Variants in SGCG observed in about 807,000 individuals in gnomAD.
SGCG encodes the protein sarcoglycan gamma, also known as gamma-sarcoglycan.
In SGCG, 26 loss-of-function variants were observed where a neutral mutation model predicts 29.3. The ratio of observed to expected loss-of-function variants is 0.89; its 90% confidence interval spans 0.65 to 1.23. The LOEUF is 1.23. Ranked by LOEUF, SGCG falls within the 50% of genes most tolerant of loss-of-function variation. The pLI, the probability that SGCG is intolerant of heterozygous loss-of-function variation, is 0.00. For synonymous variants in SGCG, 145 were observed against 129.7 expected (o/e 1.12, Z -0.80); for missense variants, 353 against 356.0 (o/e 0.99, Z 0.07).
chr13:23,323,257 G>GTT (rs1883115137), intron 7 of SGCG, among the ~76,000 whole-genome samples: 1 of 152,188 alleles, frequency 6.6e-6, no homozygotes, highest in East Asian at 1.9e-4. Context: ...ATAACCTAAA[G>GTT]ATTCTACTTG....
At chr13:23,179,438 A>G (rs1876660151), upstream of SGCG, among the ~76,000 whole-genome samples, 1 of 152,222 alleles carries the variant, frequency 6.6e-6, no homozygotes, top group Non-Finnish European at 1.5e-5. Context: ...CCAATTTACG[A>G]TTGATGAAGA....
intron 4 of SGCG, among the ~76,000 whole-genome samples, chr13:23,259,490 AC>A (rs1484862149): frequency 5.9e-5 from 9 of 152,044 alleles, no homozygotes; most frequent in African/African-American, 2.2e-4. Context: ...TTTCAAAAAA[AC>A]CAGCTCCTAG....
At chr13:23,304,485 C>G (rs966673804) in intron 6 of SGCG, among the ~76,000 whole-genome samples, 2 of 152,020 alleles carry the variant, frequency 1.3e-5, no homozygotes, top group East Asian at 1.9e-4. Flanking sequence ...GAAATACAAC[C>G]TTTACCACCA....
At chr13:23,228,013 G>T (rs1013248091) in intron 2 of SGCG, among the ~76,000 whole-genome samples, 6 of 151,966 alleles carry the variant, frequency 3.9e-5, no homozygotes, top group African/African-American at 1.2e-4. Context: ...ATTTTGCCAT[G>T]TTGCCCAGGC....
intron 3 of SGCG, chr13:23,246,719 G>T: frequency 9.2e-6 from 2 of 218,308 alleles, no homozygotes; most frequent in South Asian, 1.6e-4. Context: ...ACATGTCCCA[G>T]AGCAGCAGAA....
rs201480793 is a variant in SGCG at position 23,314,382 on chromosome 13, TTATATATATATA to T, written c.579-6240_579-6229del. Among the ~76,000 whole-genome samples the T allele has an allele frequency of 6.3e-3, 495 of 78,596 alleles. 13 individuals are homozygous for T. The highest frequency in any genetic ancestry group is 8.7e-3 in the Non-Finnish European group (374 of 43,220). 51.6% of individuals were successfully genotyped at this position (78,596 alleles called of 152,430 possible). A position where few individuals can be genotyped will look rare whatever the true frequency, so the allele number is the denominator to read the frequency against. ...TAAATGAAATGATGTCTGCTATAGG[TTATATATATATA>T]TATATATATATATAATCTTATTCTG... On this transcript the variant is annotated intron_variant, in intron 6 of 7. Coordinates refer to ENST00000218867, the MANE Select transcript of SGCG (RefSeq NM_000231.3).
intron 1 of SGCG, among the ~76,000 whole-genome samples, chr13:23,201,376 A>AGGC (rs386378463): frequency 2.7e-5 from 4 of 149,768 alleles, no homozygotes; most frequent in African/African-American, 9.9e-5. Flanking sequence ...GTGGAAGAGG[A>AGGC]GGCTCTGCAG....
In SGCG at chr13:23,320,201, C is replaced by T. The variant is rs76529496; in HGVS notation, c.579-436C>T. 9.6e-3 allele frequency among the ~76,000 whole-genome samples: 1,457 copies of T among 152,274 alleles called. 11 individuals are homozygous for T. Among genetic ancestry groups the T allele is most frequent in the Middle Eastern group, 0.051 (15 of 294 alleles). On this transcript the variant is annotated intron_variant, in intron 6 of 7. Coordinates refer to ENST00000218867, the MANE Select transcript of SGCG (RefSeq NM_000231.3). ...TGGTTGAGAGGCCAAGCCAGGAGGA[C>T]CTCTTGAGCCGGGAGTTCGATTTTG...
intron 5 of SGCG, among the ~76,000 whole-genome samples, chr13:23,282,882 G>A (rs1881359762): frequency 6.6e-6 from 1 of 152,304 alleles, no homozygotes; most frequent in East Asian, 1.9e-4. Flanking sequence ...TTAGCCAGTA[G>A]TCATTCAGGA....
At chr13:23,264,717 A>G (rs1880573917) in intron 4 of SGCG, among the ~76,000 whole-genome samples, 1 of 152,232 alleles carries the variant, frequency 6.6e-6, no homozygotes, top group African/African-American at 2.4e-5. Flanking sequence ...TGGTAGTGGT[A>G]TAAAAGTAGA....
intron 6 of SGCG, among the ~76,000 whole-genome samples, chr13:23,315,986 C>T (rs1053567112): frequency 1.3e-5 from 2 of 152,162 alleles, no homozygotes; most frequent in Non-Finnish European, 2.9e-5. Flanking sequence ...CCAGTCACCC[C>T]TGTCATTGTC....
intron 1 of SGCG, among the ~76,000 whole-genome samples, chr13:23,198,964 G>T (rs794499): frequency 0.24 from 36,202 of 150,674 alleles, 4,617 homozygotes; most frequent in Middle Eastern, 0.3. Flanking sequence ...AAAAATTAGC[G>T]GGGCGTGGTG....
At position 23,203,854 on chromosome 13, in the gene SGCG, A is replaced by G; in HGVS notation, c.160A>G (p.Thr54Ala). 6.2e-7 allele frequency: 1 copy of G among 1,613,860 alleles called. No homozygotes were observed. Among genetic ancestry groups the G allele is most frequent in the Non-Finnish European group, 8.5e-7 (1 of 1,179,726 alleles). The change falls in exon 2 of 8, where the codon ACA (threonine) becomes GCA (alanine). Residue 54 changes from threonine (T) to alanine (A), a missense_variant. Coordinates refer to ENST00000218867, the MANE Select transcript of SGCG (RefSeq NM_000231.3). ...CATCCTCGTTGTGAATTTAGCTCTT[A>G]CAATTTGGATTCTTAAAGTGATGTG... ...LIILVVNLAL[T>A]IWILKVMWFS...
chr13:23,177,406 A>T (rs985918601), upstream of SGCG, among the ~76,000 whole-genome samples: 2 of 152,182 alleles, frequency 1.3e-5, no homozygotes, highest in African/African-American at 4.8e-5. Context: ...GAGGTGATGG[A>T]TATGCTAATC....
At chr13:23,253,970 T>C (rs1220497500) in intron 4 of SGCG, among the ~76,000 whole-genome samples, 1 of 152,244 alleles carries the variant, frequency 6.6e-6, no homozygotes, top group Non-Finnish European at 1.5e-5. Context: ...TGAAGCCATG[T>C]TTGTACAGCC....
intron 2 of SGCG, among the ~76,000 whole-genome samples, chr13:23,228,282 A>T (rs1878976581): frequency 6.6e-6 from 1 of 152,182 alleles, no homozygotes; most frequent in Admixed American, 6.5e-5. Flanking sequence ...TCCGACTTGT[A>T]AAAAACTAAA....
chr13:23,320,168 G>A (rs1008408531), intron 6 of SGCG, among the ~76,000 whole-genome samples: 9 of 152,148 alleles, frequency 5.9e-5, no homozygotes, highest in Admixed American at 1.3e-4. Flanking sequence ...AAACAAGCCT[G>A]CCACAGCTGG....
At chr13:23,175,605 A>C in the SGCG span, among the ~76,000 whole-genome samples, 1 of 152,036 alleles carries the variant, frequency 6.6e-6, no homozygotes, top group Non-Finnish European at 1.5e-5. Context: ...CTGAAATCTG[A>C]GTTTTCTTTT....
intron 1 of SGCG, among the ~76,000 whole-genome samples, chr13:23,196,441 G>A (rs916084510): frequency 1.3e-5 from 2 of 151,960 alleles, no homozygotes; most frequent in Non-Finnish European, 2.9e-5. Context: ...TCAAACACCT[G>A]GCCAATATTA....
Sources: allele counts gnomAD v4.1 joint callset (sites outside exome capture counted in the v4.1 genomes callset), GRCh38; gene constraint gnomAD v4.1.1; transcripts MANE v1.5; gene names NCBI Gene and HGNC (gene_info 2026-07-23, HGNC 2026-07-21).